RWDD1: variants seen among roughly 807,000 people sequenced by gnomAD.
RWDD1 encodes the protein RWD domain containing 1, also known as RWD domain-containing protein 1.
In RWDD1, 17 loss-of-function variants were observed where a neutral mutation model predicts 31.6. The observed-to-expected ratio is 0.54, with a 90% CI of 0.37 to 0.81. The LOEUF is 0.81. Ranked by LOEUF, RWDD1 falls within the 30% of genes least tolerant of loss-of-function variation. The probability of loss-of-function intolerance (pLI) is 0.00; values close to 1 mark genes in which losing one functional copy is unlikely to be tolerated. For missense variants in RWDD1, 204 were observed against 274.5 expected (o/e 0.74, Z 1.82); for synonymous variants, 78 against 94.2 (o/e 0.83, Z 0.99).
rs942962706 is a variant in RWDD1 at position 116,594,869 on chromosome 6, C to T, written c.*1768C>T. On this transcript the variant is annotated 3_prime_UTR_variant, in exon 7 of 7. Transcript: ENST00000466444. ...CATACCCACAAACAGCAATATTAAG[C>T]CTTCATTTATTGTTGGAGTTAGACC... 10 of 152,118 alleles carry T rather than the reference C, an allele frequency of 6.6e-5. No individual in the cohort carries two copies. The highest frequency in any genetic ancestry group is 5.2e-4 in the Admixed American group (8 of 15,272). 9.4% of individuals were successfully genotyped at this position (152,118 alleles called of 1,614,324 possible).
intron 1 of RWDD1, among the ~76,000 whole-genome samples, chr6:116,576,883 G>A (rs1022459806): frequency 6.6e-6 from 1 of 152,188 alleles, no homozygotes; most frequent in African/African-American, 2.4e-5. Flanking sequence ...GAGAGTCATG[G>A]AAAATGAGAC....
Position 116,595,554 on chromosome 6 carries a change from TAA to T in RWDD1, c.*2455_*2456del, listed in dbSNP as rs964632300. On this transcript the variant is annotated 3_prime_UTR_variant, in exon 7 of 7. Coordinates refer to ENST00000466444, the MANE Select transcript of RWDD1 (RefSeq NM_015952.4). The stretch of plus-strand genomic sequence containing the variant: ...TTATCGGTTTTGCTCTTTGATTTGG[TAA>T]AGTTTTTGTTTTTCTACTCGTGCCA... 3.9e-5 allele frequency: 6 copies of T among 152,324 alleles called. No homozygotes were observed. The highest frequency in any genetic ancestry group is 8.8e-5 in the Non-Finnish European group (6 of 68,022). The allele number at this position is 152,324 out of a possible 1,614,324, so 9.4% of individuals were successfully genotyped here.
chr6:116,581,987 AT>A (rs1774955221), intron 2 of RWDD1, among the ~76,000 whole-genome samples: 1 of 151,982 alleles, frequency 6.6e-6, no homozygotes, highest in African/African-American at 2.4e-5. Context: ...AAGTATTCTC[AT>A]GTTATTTTTG....
At chr6:116,580,947 TA>T (rs2115327884) in intron 2 of RWDD1, among the ~76,000 whole-genome samples, 1 of 152,242 alleles carries the variant, frequency 6.6e-6, no homozygotes, top group East Asian at 1.9e-4. Context: ...GGTAATTTGA[TA>T]AAAAGGTTAT....
chr6:116,580,201 CA>C, intron 1 of RWDD1, 93 bp from the exon 2 acceptor site: 1 of 702,308 alleles, frequency 1.4e-6, no homozygotes, highest in Non-Finnish European at 2.3e-6. Context: ...GCCTAGGGAC[CA>C]GTTTCTAGGA....
chr6:116,591,048 C>T, intron 6 of RWDD1, 98 bp downstream of exon 6: 1 of 1,436,742 alleles, frequency 7.0e-7, no homozygotes, highest in Admixed American at 2.8e-5. Flanking sequence ...ATTGCTTGAG[C>T]CCAGGAGTTT....
chr6:116,572,430 G>GA (rs2115320016), intron 1 of RWDD1: 1 of 152,346 alleles, frequency 6.6e-6, no homozygotes, highest in East Asian at 1.9e-4. Flanking sequence ...AGACATATGG[G>GA]ACTTGGGATT....
Position 116,571,577 on chromosome 6 carries a change from G to T in RWDD1, c.-6G>T, listed in dbSNP as rs762437009. The stretch of plus-strand genomic sequence containing the variant: ...GGGCGATCTATGGGCAAGAGCAAGG[G>T]CCACGATGACAGATTACGGCGAGGA... On this transcript the variant is annotated 5_prime_UTR_variant, in exon 1 of 7. Transcript: ENST00000466444. 1 of 1,613,008 alleles carries T rather than the reference G, an allele frequency of 6.2e-7. No homozygotes were observed. The highest frequency in any genetic ancestry group is 1.3e-5 in the African/African-American group (1 of 74,832).
chr6:116,587,462 C>G (rs919317974), intron 3 of RWDD1, among the ~76,000 whole-genome samples: 2 of 152,104 alleles, frequency 1.3e-5, no homozygotes, highest in African/African-American at 4.8e-5. Context: ...ATTTATTGAA[C>G]TTAGGATTTG....
At position 116,590,421 on chromosome 6, in the gene RWDD1, A is replaced by G. The variant is rs1775121919; in HGVS notation, c.547+17A>G. On this transcript the variant is annotated intron_variant, in intron 5 of 6. Coordinates refer to ENST00000466444, the MANE Select transcript of RWDD1 (RefSeq NM_015952.4). ...AATTAAGTGGTATGATTCCCCTGCC[A>G]TTCCTGTTCTTCCTAAACCCTCCTG... The G allele has an allele frequency of 6.4e-7, 1 of 1,572,936 alleles. No individual in the cohort carries two copies. The highest frequency in any genetic ancestry group is 8.6e-7 in the Non-Finnish European group (1 of 1,167,168).
chr6:116,577,404 T>C (rs1285205983), intron 1 of RWDD1, among the ~76,000 whole-genome samples: 1 of 152,080 alleles, frequency 6.6e-6, no homozygotes, highest in Non-Finnish European at 1.5e-5. Context: ...ACATTTCTGA[T>C]GATCTCATTT....
intron 2 of RWDD1, among the ~76,000 whole-genome samples, chr6:116,584,371 A>T (rs1431512066): frequency 6.9e-6 from 1 of 145,380 alleles, no homozygotes; most frequent in Non-Finnish European, 1.5e-5. Flanking sequence ...AGAGGCTGAA[A>T]ATGAGCATAC....
intron 5 of RWDD1, 36 bp downstream of exon 5, chr6:116,590,440 C>A: frequency 6.6e-7 from 1 of 1,517,444 alleles, no homozygotes. Flanking sequence ...CTTCCTAAAC[C>A]CTCCTGTATC....
rs1390055339 is a variant in RWDD1, at chr6:116,593,764, T to C, written c.*663T>C. On this transcript the variant is annotated 3_prime_UTR_variant, in exon 7 of 7. Transcript: ENST00000466444. ...ATTGAGACCATCCTGGCTAACACGG[T>C]GAAACCCCGTCTCTATTAAAAATAC... 5 of 152,132 alleles carry C rather than the reference T, an allele frequency of 3.3e-5. No individual in the cohort carries two copies. The highest frequency in any genetic ancestry group is 1.3e-4 in the Admixed American group (2 of 15,266). The allele number at this position is 152,132 out of a possible 1,614,324, so 9.4% of individuals were successfully genotyped here.
chr6:116,576,042 G>A (rs1774833501), intron 1 of RWDD1, among the ~76,000 whole-genome samples: 1 of 152,216 alleles, frequency 6.6e-6, no homozygotes, highest in African/African-American at 2.4e-5. Context: ...ATAACTTTAA[G>A]AGTGGATATT....
intron 3 of RWDD1, 100 bp from the exon 4 acceptor site, chr6:116,588,742 C>T (rs950259732): frequency 9.5e-6 from 6 of 628,348 alleles, no homozygotes; most frequent in Non-Finnish European, 1.4e-5. Flanking sequence ...TTTTATTGAA[C>T]TGTATGAACA....
chr6:116,596,820 C>G lies in RWDD1; in HGVS notation c.*3719C>G, dbSNP rs1775245706. 1 of 151,814 alleles carries G rather than the reference C, an allele frequency of 6.6e-6. No individual in the cohort carries two copies. Among genetic ancestry groups the G allele is most frequent in the African/African-American group, 2.4e-5 (1 of 41,288 alleles). The allele number at this position is 151,814 out of a possible 1,614,324, so 9.4% of individuals were successfully genotyped here. A position where few individuals can be genotyped will look rare whatever the true frequency, so the allele number is the denominator to read the frequency against. On this transcript the variant is annotated 3_prime_UTR_variant, in exon 7 of 7. Transcript: ENST00000466444. ...TGAGTGCTACTATGCGCCAGCCTTT[C>G]TTTGTGATAATGTTAATTTTTTTTT... is the stretch of plus-strand genomic sequence containing the variant.
At chr6:116,575,650 A>AC (rs1336561005) in intron 1 of RWDD1, among the ~76,000 whole-genome samples, 1 of 151,734 alleles carries the variant, frequency 6.6e-6, no homozygotes, top group Non-Finnish European at 1.5e-5. Flanking sequence ...GTGACAGAAA[A>AC]CCCCCAATAA....
At chr6:116,571,955 T>C (rs1774745501) in intron 1 of RWDD1, among the ~76,000 whole-genome samples, 1 of 152,030 alleles carries the variant, frequency 6.6e-6, no homozygotes, top group Non-Finnish European at 1.5e-5. Context: ...AGATTTATAA[T>C]ACATTAAGAG....
Sources: allele counts gnomAD v4.1 joint callset (sites outside exome capture counted in the v4.1 genomes callset), GRCh38; gene constraint gnomAD v4.1.1; transcripts MANE v1.5; gene names NCBI Gene and HGNC (gene_info 2026-07-23, HGNC 2026-07-21).